The following SCNN1B variants were observed in gnomAD, a reference collection of about 807,000 sequenced individuals.
The protein encoded by SCNN1B is epithelial sodium channel subunit beta.
In SCNN1B, 46 loss-of-function variants were observed where a neutral mutation model predicts 65.3. The ratio of observed to expected loss-of-function variants is 0.70; its 90% CI spans 0.56 to 0.90. The LOEUF (loss-of-function observed/expected upper bound fraction) is 0.90, where lower values mean the gene tolerates loss of function less well. Ranked by LOEUF, SCNN1B falls within the 40% of genes least tolerant of loss-of-function variation. The probability of loss-of-function intolerance (pLI) is 0.00; values close to 1 mark genes in which losing one functional copy is unlikely to be tolerated. For missense variants in SCNN1B, 751 were observed against 830.5 expected (o/e 0.90, Z 1.18); for synonymous variants, 349 against 330.6 (o/e 1.06, Z -0.60).
At chr16:23,346,799 C>G (rs1338387316) in intron 1 of SCNN1B, among the ~76,000 whole-genome samples, 2 of 151,534 alleles carry the variant, frequency 1.3e-5, no homozygotes, top group Non-Finnish European at 2.9e-5. Flanking sequence ...TCAGACCTGG[C>G]CAGGCCTCCG....
chr16:23,376,625 G>A (rs992461005), intron 8 of SCNN1B, among the ~76,000 whole-genome samples: 1 of 151,760 alleles, frequency 6.6e-6, no homozygotes, highest in African/African-American at 2.4e-5. Context: ...GAAGAATTTT[G>A]TCAGCAGGGT....
rs1187946087 is a variant in SCNN1B at position 23,355,387 on chromosome 16, A to C, written c.674A>C (p.Asn225Thr). The C allele has an allele frequency of 1.2e-6, 2 of 1,614,106 alleles. No homozygotes were observed. The highest frequency in any genetic ancestry group is 1.7e-6 in the Non-Finnish European group (2 of 1,180,008). Reference sequence around the variant, plus strand: ...GAGTGGTACATCCTGCAGGCCACCAACATCTTTGCACAGGTGCCACAGCAG... The same window carrying C: ...GAGTGGTACATCCTGCAGGCCACCACCATCTTTGCACAGGTGCCACAGCAG... The part of the protein sequence containing the change: ...LTEWYILQAT[N>T]IFAQVPQQEL... The change falls in exon 4 of 13, where the codon AAC becomes ACC. Residue 225 changes from asparagine to threonine, a missense_variant. Asn to Thr is a moderately conservative substitution (Grantham distance 65). Transcript: ENST00000343070.
chr16:23,283,300 A>G (rs1960807290), intron 1 of SCNN1B, among the ~76,000 whole-genome samples: 1 of 152,100 alleles, frequency 6.6e-6, no homozygotes, highest in Admixed American at 6.5e-5. Context: ...AGTCCCAGCT[A>G]CTCGGGAGGC....
At chr16:23,315,387 C>T (rs143901806) in intron 1 of SCNN1B, among the ~76,000 whole-genome samples, 127 of 152,208 alleles carry the variant, frequency 8.3e-4, no homozygotes, top group African/African-American at 3.0e-3. Context: ...TGATTCATGC[C>T]TTCCACCTGG....
At chr16:23,296,101 G>A (rs564422946) in intron 2 of SCNN1B, among the ~76,000 whole-genome samples, 52 of 152,110 alleles carry the variant, frequency 3.4e-4, no homozygotes, top group African/African-American at 1.2e-3. Context: ...TGGCCGGGCT[G>A]AAGGAGAAGT....
At chr16:23,332,675 G>A (rs935740532) in intron 1 of SCNN1B, among the ~76,000 whole-genome samples, 1 of 152,138 alleles carries the variant, frequency 6.6e-6, no homozygotes, top group Non-Finnish European at 1.5e-5. Context: ...CCCACATATA[G>A]GCATTGCCAG....
At chr16:23,311,082 A>G (rs1045548750) in intron 1 of SCNN1B, among the ~76,000 whole-genome samples, 1 of 152,246 alleles carries the variant, frequency 6.6e-6, no homozygotes, top group African/African-American at 2.4e-5. Context: ...AAACATGTCA[A>G]TGCTGAAGAT....
intron 2 of SCNN1B, among the ~76,000 whole-genome samples, chr16:23,294,175 C>A (rs2141971843): frequency 6.6e-6 from 1 of 152,168 alleles, no homozygotes; most frequent in South Asian, 2.1e-4. Flanking sequence ...ACCTGGCCAA[C>A]ATAACAGAAC....
At chr16:23,362,684 G>A (rs527776524) in intron 4 of SCNN1B, among the ~76,000 whole-genome samples, 2 of 152,292 alleles carry the variant, frequency 1.3e-5, no homozygotes, top group African/African-American at 2.4e-5. Flanking sequence ...TAGTTGGCAC[G>A]CACGTGGAGA....
intron 6 of SCNN1B, 122 bp from the exon 7 acceptor site, chr16:23,371,654 G>GC (rs949395144): frequency 4.2e-5 from 43 of 1,013,918 alleles, no homozygotes; most frequent in South Asian, 6.7e-5. Context: ...CCCCTCTGGC[G>GC]CCCCCCCTGG....
chr16:23,350,375 C>T (rs911604244), intron 2 of SCNN1B, among the ~76,000 whole-genome samples: 3 of 152,148 alleles, frequency 2.0e-5, no homozygotes, highest in Non-Finnish European at 2.9e-5. Flanking sequence ...CCATTCTCCG[C>T]TTGATAGCAA....
At chr16:23,292,694 C>A (rs905647137) in intron 2 of SCNN1B, among the ~76,000 whole-genome samples, 1 of 151,384 alleles carries the variant, frequency 6.6e-6, no homozygotes, top group Non-Finnish European at 1.5e-5. Flanking sequence ...TGTTGAGATG[C>A]ATTTTTGCCA....
chr16:23,324,037 G>A (rs530084483), intron 1 of SCNN1B, among the ~76,000 whole-genome samples: 8 of 152,164 alleles, frequency 5.3e-5, no homozygotes, highest in South Asian at 2.1e-4. Flanking sequence ...AAACAAAAAC[G>A]CAAGGAGGGA....
At chr16:23,310,512 C>A (rs1424641672) in intron 1 of SCNN1B, among the ~76,000 whole-genome samples, 1 of 152,078 alleles carries the variant, frequency 6.6e-6, no homozygotes, top group African/African-American at 2.4e-5. Flanking sequence ...TAGTGAGACC[C>A]CACCTCTATA....
intron 2 of SCNN1B, among the ~76,000 whole-genome samples, chr16:23,287,537 C>T (rs566722697): frequency 8.9e-4 from 135 of 152,070 alleles, no homozygotes; most frequent in African/African-American, 3.1e-3. Flanking sequence ...TAGAGCAAAT[C>T]CCTGTCACTA....
intron 1 of SCNN1B, among the ~76,000 whole-genome samples, chr16:23,345,292 C>T (rs569790888): frequency 1.3e-5 from 2 of 152,270 alleles, no homozygotes; most frequent in South Asian, 4.1e-4. Flanking sequence ...GCCACAGGCA[C>T]AAGAAACTAG....
intron 7 of SCNN1B, among the ~76,000 whole-genome samples, chr16:23,372,575 A>G (rs893047405): frequency 3.7e-4 from 55 of 150,560 alleles, no homozygotes; most frequent in Admixed American, 3.0e-3. Flanking sequence ...GCTCACTGCA[A>G]CCTCCGCCTC....
chr16:23,355,280 C>T lies in SCNN1B; in HGVS notation c.586-19C>T, dbSNP rs759804791. The T allele has an allele frequency of 7.4e-6, 12 of 1,613,860 alleles. No homozygotes were observed. In the South Asian group the frequency reaches 8.8e-5, roughly 12 times the overall value. ...GCAGCTCCCACGCCACCCACAAAAA[C>T]CCCTCTTGGCCTCCACAGTGTAGCC... On this transcript the variant is annotated intron_variant, in intron 3 of 12. Coordinates refer to ENST00000343070, the MANE Select transcript of SCNN1B (RefSeq NM_000336.3).
chr16:23,355,692 G>A (rs72654330), intron 4 of SCNN1B, among the ~76,000 whole-genome samples: 7 of 152,188 alleles, frequency 4.6e-5, no homozygotes, highest in Admixed American at 2.0e-4. Context: ...TGAAGAGCTC[G>A]CGAAGCATTG....
Sources: allele counts gnomAD v4.1 joint callset (sites outside exome capture counted in the v4.1 genomes callset), GRCh38; gene constraint gnomAD v4.1.1; transcripts MANE v1.5; gene names NCBI Gene and HGNC (gene_info 2026-07-23, HGNC 2026-07-21).